Variants in MOBP observed in about 807,000 individuals in gnomAD.
The protein encoded by MOBP is myelin-associated oligodendrocyte basic protein.
In MOBP, 5 loss-of-function variants were observed where a neutral mutation model predicts 15.0. The observed-to-expected ratio is 0.33, with a 90% CI of 0.17 to 0.70. MOBP has a LOEUF of 0.70. Among genes scored for constraint, MOBP ranks in the 30% least tolerant of loss-of-function variants. The pLI, the probability that MOBP is intolerant of heterozygous loss-of-function variation, is 0.67. For missense variants in MOBP, 188 were observed against 257.8 expected, an observed-to-expected ratio of 0.73 and a Z score of 1.85; for synonymous variants, 88 against 99.0, an observed-to-expected ratio of 0.89 and a Z score of 0.66.
chr3:39,504,012 A>G (rs1368736068), downstream of MOBP, among the ~76,000 whole-genome samples: 2 of 152,220 alleles, frequency 1.3e-5, no homozygotes, highest in Non-Finnish European at 2.9e-5. Flanking sequence ...CTACACAATG[A>G]GCAATGCTGA....
downstream of MOBP, chr3:39,503,162 A>G (rs2043001109): frequency 9.4e-6 from 4 of 426,312 alleles, no homozygotes; most frequent in East Asian, 1.1e-4. Flanking sequence ...ATGGTAACAG[A>G]TTGAATAAAT....
In MOBP at chr3:39,502,935, T is replaced by C; in HGVS notation, c.*55T>C. On this transcript the variant is annotated 3_prime_UTR_variant, in exon 4 of 4. Transcript: ENST00000684792. This position sits in a 1 kb window ranked among gnomAD's most constrained non-coding sequence, Gnocchi z 6.3. ...CTAAGGTTAGTAGTTGCTTCCTGTG[T>C]TTACTAACACCGGGCTGTCTCCATG... The C allele has an allele frequency of 1.2e-6, 1 of 806,580 alleles. No individual in the cohort carries two copies. The highest frequency in any genetic ancestry group is 1.9e-6 in the Non-Finnish European group (1 of 522,530). 50.0% of individuals were successfully genotyped at this position (806,580 alleles called of 1,614,324 possible).
chr3:39,471,131 C>CTTT (rs35128158), intron 1 of MOBP, among the ~76,000 whole-genome samples: 6 of 128,984 alleles, frequency 4.7e-5, no homozygotes, highest in African/African-American at 1.4e-4. Flanking sequence ...AAAGAAAAGT[C>CTTT]TTTTTTTTTT....
intron 1 of MOBP, among the ~76,000 whole-genome samples, chr3:39,470,279 C>G (rs2042450966): frequency 6.6e-6 from 1 of 152,216 alleles, no homozygotes; most frequent in Non-Finnish European, 1.5e-5. Context: ...TGAGGGACAA[C>G]TAGCAAAATA....
intron 3 of MOBP, among the ~76,000 whole-genome samples, chr3:39,522,504 T>C (rs72857067): frequency 0.013 from 2,041 of 152,316 alleles, 47 homozygotes; most frequent in African/African-American, 0.045. Context: ...GAAACAGTCT[T>C]GAAACCATGG....
exon 5 of MOBP, chr3:39,513,794 T>C (rs13315545): frequency 0.022 from 5,245 of 240,844 alleles, 289 homozygotes; most frequent in African/African-American, 0.11. Flanking sequence ...CCACATGTTG[T>C]CCTCCAAATA....
chr3:39,513,481 C>T, exon 5 of MOBP: 2 of 1,509,840 alleles, frequency 1.3e-6, no homozygotes, highest in Non-Finnish European at 1.8e-6. Flanking sequence ...TGCTTCACAA[C>T]CCATCTACCC....
chr3:39,485,463 T>C (rs590805), intron 2 of MOBP, among the ~76,000 whole-genome samples: 45,395 of 152,160 alleles, frequency 0.3, 9,169 homozygotes, highest in African/African-American at 0.57. Flanking sequence ...AATTACTCTT[T>C]GGGAAACATG....
chr3:39,505,616 A>G (rs1421754210), downstream of MOBP, among the ~76,000 whole-genome samples: 1 of 152,170 alleles, frequency 6.6e-6, no homozygotes, highest in Non-Finnish European at 1.5e-5. Flanking sequence ...GCAGAGGCCT[A>G]GGTTAGCCAG....
In MOBP at chr3:39,501,984, C is replaced by T; in HGVS notation, c.-4-82C>T. ...ATGTTACCTTGGATTATGGGAGTAG[C>T]AGGGGGCTTCCAGAGTAGAGGGCTC... is the stretch of plus-strand genomic sequence containing the variant. On this transcript the variant is annotated intron_variant, in intron 2 of 3. Transcript: ENST00000684792. 3.4e-6 allele frequency: 4 copies of T among 1,167,572 alleles called. No individual in the cohort carries two copies. The South Asian group carries it at 5.3e-5, about 15-fold the overall frequency. 72.3% of individuals were successfully genotyped at this position (1,167,572 alleles called of 1,614,324 possible).
intron 2 of MOBP, among the ~76,000 whole-genome samples, chr3:39,491,858 A>G (rs1234121237): frequency 6.6e-6 from 1 of 152,180 alleles, no homozygotes; most frequent in African/African-American, 2.4e-5. Context: ...CCTCAAAACC[A>G]TGGTGGGGGA....
chr3:39,498,939 A>G (rs2042928765), intron 2 of MOBP, among the ~76,000 whole-genome samples: 1 of 152,198 alleles, frequency 6.6e-6, no homozygotes, highest in Admixed American at 6.5e-5. Context: ...TGAGAATTCA[A>G]TTAGGGAAGG....
intron 1 of MOBP, among the ~76,000 whole-genome samples, chr3:39,468,062 A>G (rs974482223): frequency 1.3e-5 from 2 of 150,152 alleles, no homozygotes; most frequent in Admixed American, 1.3e-4. Context: ...ATGGTAGTAC[A>G]TGCTGCTGCT....
At chr3:39,513,188 C>G (rs182678530) in intron 4 of MOBP, among the ~76,000 whole-genome samples, 2 of 151,936 alleles carry the variant, frequency 1.3e-5, no homozygotes, top group Non-Finnish European at 2.9e-5. Context: ...TTCCTAGGCT[C>G]GGGCCAAGAA....
At chr3:39,522,127 C>G (rs2043276613) in intron 3 of MOBP, among the ~76,000 whole-genome samples, 1 of 152,196 alleles carries the variant, frequency 6.6e-6, no homozygotes. Flanking sequence ...ACAGACATCC[C>G]TCTAGTGGAA....
chr3:39,469,207 T>TGTGTGTGTGTGTATATACATATATAC (rs2042426695), intron 1 of MOBP, among the ~76,000 whole-genome samples: 1 of 118,958 alleles, frequency 8.4e-6, no homozygotes, highest in Admixed American at 8.5e-5. Flanking sequence ...CATATATACA[T>TGTGTGTGTGTGTATATACATATATAC]GTGTGTGTAT....
At chr3:39,503,940 G>A (rs2043014047), downstream of MOBP, among the ~76,000 whole-genome samples, 1 of 152,080 alleles carries the variant, frequency 6.6e-6, no homozygotes, top group Non-Finnish European at 1.5e-5. Flanking sequence ...TAAGGCCTGG[G>A]TATGTGCCTT....
rs1559411959 is a variant in MOBP at position 39,469,037 on chromosome 3, TATATAC to T, written c.-89+1302_-89+1307del. ...ATACATATGTGTGTATATATATACA[TATATAC>T]ATATGTGTGTGTATATACATATATA... On this transcript the variant is annotated intron_variant, in intron 1 of 3. Transcript: ENST00000684792. 7.9e-4 allele frequency among the ~76,000 whole-genome samples: 80 copies of T among 101,664 alleles called. 8 individuals are homozygous for T. The highest frequency in any genetic ancestry group is 4.5e-3 in the African/African-American group (73 of 16,200). 66.7% of individuals were successfully genotyped at this position (101,664 alleles called of 152,430 possible). A position where few individuals can be genotyped will look rare whatever the true frequency, so the allele number is the denominator to read the frequency against.
intron 2 of MOBP, among the ~76,000 whole-genome samples, chr3:39,496,672 C>CT (rs1471472657): frequency 2.2e-5 from 3 of 136,366 alleles, no homozygotes; most frequent in South Asian, 2.3e-4. Context: ...TTTTTTTTTT[C>CT]TTTTTTTTGA....
Sources: allele counts gnomAD v4.1 joint callset (sites outside exome capture counted in the v4.1 genomes callset), GRCh38; gene constraint gnomAD v4.1.1; non-coding constraint Gnocchi (gnomAD v3.1); transcripts MANE v1.5; gene names NCBI Gene and HGNC (gene_info 2026-07-23, HGNC 2026-07-21).